The following VAX1 variants were observed in gnomAD, a reference collection of about 807,000 sequenced individuals.
VAX1 encodes the protein ventral anterior homeobox 1.
A neutral mutation model predicts 17.6 loss-of-function variants in VAX1; 6 were observed. That is an observed-to-expected ratio of 0.34 (90% CI 0.19 to 0.67). The LOEUF (loss-of-function observed/expected upper bound fraction) is 0.67. Ranked by LOEUF, VAX1 falls within the 30% of genes least tolerant of loss-of-function variation. VAX1 has a pLI of 0.69. For missense variants in VAX1, 408 were observed against 463.7 expected, an observed-to-expected ratio of 0.88 and a Z score of 1.10; for synonymous variants, 256 against 227.4, an observed-to-expected ratio of 1.13 and a Z score of -1.13.
chr10:117,134,701 A>G lies in VAX1; in HGVS notation c.430-118T>C. ...CTCCCCAAGTCCCAGCCCTATCCGC[A>G]GCCCCACCCAGCAGCCGGAGGGGTC... On this transcript the variant is annotated intron_variant, in intron 2 of 2. Transcript: ENST00000369206. This position sits in a 1 kb window ranked among gnomAD's most constrained non-coding sequence, Gnocchi z 6.2. 1 of 1,053,272 alleles carries G rather than the reference A, an allele frequency of 9.5e-7. No individual in the cohort carries two copies. The highest frequency in any genetic ancestry group is 3.3e-5 in the East Asian group (1 of 30,432). 65.2% of individuals were successfully genotyped at this position (1,053,272 alleles called of 1,614,324 possible).
rs533176866 is a variant in VAX1, at chr10:117,133,373, C to T, written c.*635G>A. On this transcript the variant is annotated 3_prime_UTR_variant, in exon 3 of 3. Coordinates refer to ENST00000369206, the MANE Select transcript of VAX1 (RefSeq NM_001112704.2). ...CCTACTACGACGTTTGTTACTGTTT[C>T]CTGGGGTCGGGGGTGGTTGTGATTG... The T allele has an allele frequency of 8.4e-5, 83 of 985,554 alleles. No homozygotes were observed. The South Asian group carries it at 3.4e-3, about 41-fold the overall frequency. 61.1% of individuals were successfully genotyped at this position (985,554 alleles called of 1,614,324 possible). A position where few individuals can be genotyped will look rare whatever the true frequency, so the allele number is the denominator to read the frequency against.
rs749442766 is a variant in VAX1 at position 117,136,590 on chromosome 10, C to G, written c.311G>C (p.Arg104Pro). 6.2e-7 allele frequency: 1 copy of G among 1,613,764 alleles called. No homozygotes were observed. Residue 104 changes from arginine to proline, a missense_variant, in exon 2 of 3, where the codon CGC (arginine) becomes CCC (proline). By Grantham distance (103) the Arg-to-Pro change is moderately radical. Coordinates refer to ENST00000369206, the MANE Select transcript of VAX1 (RefSeq NM_001112704.2). This position sits in a 1 kb window ranked among gnomAD's most constrained non-coding sequence, Gnocchi z 5.0. ...GAGCTGCTCCGCGGTGAAGGACGTGCGCGTCCTCTTAGGCCGGTCCAAGTC... is the reference window on the plus strand; with the variant it reads ...GAGCTGCTCCGCGGTGAAGGACGTGGGCGTCCTCTTAGGCCGGTCCAAGTC... Reference protein sequence around the residue: ...GLDLDRPKRTRTSFTAEQLYR... With the variant: ...GLDLDRPKRTPTSFTAEQLYR...
rs534482978 is a variant in VAX1 at position 117,134,335 on chromosome 10, G to A, written c.678C>T (p.Ala226=). ...ALGAGAAAGS[A]AAAAAAAPGP... ...CCGGGGCGGCGGCGGCGGCTGCGGC[G>A]GCCGAGCCTGCAGCGGCGCCCGCGC... Residue 226 remains alanine (A), a synonymous_variant, in exon 3 of 3, where the codon GCC becomes GCT. Coordinates refer to ENST00000369206, the MANE Select transcript of VAX1 (RefSeq NM_001112704.2). This position sits in a 1 kb window ranked among gnomAD's most constrained non-coding sequence, Gnocchi z 6.2. The A allele has an allele frequency of 1.9e-3, 1,974 of 1,052,500 alleles. 3 individuals carry two copies. Among genetic ancestry groups the A allele is most frequent in the South Asian group, 2.9e-3 (66 of 22,772 alleles). The allele number at this position is 1,052,500 out of a possible 1,614,324, so 65.2% of individuals were successfully genotyped here.
chr10:117,133,886 C>A lies in VAX1; in HGVS notation c.*122G>T. The A allele has an allele frequency of 7.2e-7, 1 of 1,390,206 alleles. No individual in the cohort carries two copies. The highest frequency in any genetic ancestry group is 9.3e-7 in the Non-Finnish European group (1 of 1,078,046). 86.1% of individuals were successfully genotyped at this position (1,390,206 alleles called of 1,614,324 possible). A position where few individuals can be genotyped will look rare whatever the true frequency, so the allele number is the denominator to read the frequency against. On this transcript the variant is annotated 3_prime_UTR_variant, in exon 3 of 3. Transcript: ENST00000369206. ...AGCAGAGTCTAGTGGGAAAGGAGAG[C>A]TGTCAGAGGCCTGGTGGGAGCCAGG...
At chr10:117,135,101 A>G (rs765437130) in intron 2 of VAX1, among the ~76,000 whole-genome samples, 11 of 152,182 alleles carry the variant, frequency 7.2e-5, no homozygotes, top group Admixed American at 5.9e-4. Context: ...CCCTGGCCCA[A>G]TGCGCTCGGA....
Position 117,137,829 on chromosome 10 carries a change from C to T in VAX1, c.228G>A (p.Arg76=), listed in dbSNP as rs1854209882. Reference sequence around the variant, plus strand: ...GCCCATCCCTACCTCGGACCAGGATCCGGCGGCAGTAATCCGGGTCCGCTG... The same window carrying T: ...GCCCATCCCTACCTCGGACCAGGATTCGGCGGCAGTAATCCGGGTCCGCTG... ...NSAADPDYCR[R]ILVRDAKGSI... is the part of the protein sequence containing the mutation. Residue 76 remains arginine, a synonymous_variant, in exon 1 of 3, where the codon CGG becomes CGA. Coordinates refer to ENST00000369206, the MANE Select transcript of VAX1 (RefSeq NM_001112704.2). The surrounding 1 kb of genome is among the most constrained non-coding windows in gnomAD (Gnocchi z 7.4). 2 of 1,612,604 alleles carry T rather than the reference C, an allele frequency of 1.2e-6. No individual in the cohort carries two copies. Among genetic ancestry groups the T allele is most frequent in the Middle Eastern group, 1.9e-4 (1 of 5,284 alleles).
chr10:117,132,545 C>G, downstream of VAX1: 1 of 1,544,792 alleles, frequency 6.5e-7, no homozygotes, highest in African/African-American at 1.4e-5. This position sits in a 1 kb window ranked among gnomAD's most constrained non-coding sequence, Gnocchi z 4.9. Context: ...AATAAAATTA[C>G]TATTTTAAAA....
Position 117,134,207 on chromosome 10 carries a change from C to T in VAX1, c.806G>A (p.Gly269Asp). 1 of 1,476,592 alleles carries T rather than the reference C, an allele frequency of 6.8e-7. No homozygotes were observed. Among genetic ancestry groups the T allele is most frequent in the Non-Finnish European group, 8.9e-7 (1 of 1,118,896 alleles). The allele number at this position is 1,476,592 out of a possible 1,614,324, so 91.5% of individuals were successfully genotyped here. Reference protein sequence around the residue: ...GGLHAGAPAAGHSLFSLPVPS... With the variant: ...GGLHAGAPAADHSLFSLPVPS... ...CACCGGCAGGCTGAAGAGGCTGTGG[C>T]CCGCGGCCGGGGCGCCTGCGTGCAA... Residue 269 changes from glycine to aspartate, a missense_variant, in exon 3 of 3, where the codon GGC becomes GAC. Gly to Asp is a moderately conservative substitution (Grantham distance 94). Coordinates refer to ENST00000369206, the MANE Select transcript of VAX1 (RefSeq NM_001112704.2). The surrounding 1 kb of genome is among the most constrained non-coding windows in gnomAD (Gnocchi z 6.2).
In VAX1 at chr10:117,136,363, C is replaced by A; in HGVS notation, c.429+109G>T. On this transcript the variant is annotated intron_variant, in intron 2 of 2. Coordinates refer to ENST00000369206, the MANE Select transcript of VAX1 (RefSeq NM_001112704.2). The surrounding 1 kb of genome is among the most constrained non-coding windows in gnomAD (Gnocchi z 5.0). The stretch of plus-strand genomic sequence containing the variant: ...CCCATCCTTCCCATCTCCTCCACCT[C>A]CCAAGGGTAGTTCTGTCCAGAGCAG... 1 of 1,382,774 alleles carries A rather than the reference C, an allele frequency of 7.2e-7. No homozygotes were observed. Among genetic ancestry groups the A allele is most frequent in the East Asian group, 2.4e-5 (1 of 41,090 alleles). The allele number at this position is 1,382,774 out of a possible 1,614,324, so 85.7% of individuals were successfully genotyped here. A position where few individuals can be genotyped will look rare whatever the true frequency, so the allele number is the denominator to read the frequency against.
rs535939071 is a variant in VAX1 at position 117,133,569 on chromosome 10, G to A, written c.*439C>T. 10 of 986,114 alleles carry A rather than the reference G, an allele frequency of 1.0e-5. 1 individual carries two copies. In the East Asian group the frequency reaches 7.9e-4, roughly 78 times the overall value. The allele number at this position is 986,114 out of a possible 1,614,324, so 61.1% of individuals were successfully genotyped here. ...TTTTTTGGTCTAAAGAAACCTGGAA[G>A]CCCCTGGGGTCTGCGCGCAGTTTTC... On this transcript the variant is annotated 3_prime_UTR_variant, in exon 3 of 3. Coordinates refer to ENST00000369206, the MANE Select transcript of VAX1 (RefSeq NM_001112704.2).
Position 117,137,172 on chromosome 10 carries a change from G to T in VAX1, c.242-513C>A, listed in dbSNP as rs1854194151. Among the ~76,000 whole-genome samples the T allele has an allele frequency of 6.6e-6, 1 of 152,004 alleles. No homozygotes were observed. The highest frequency in any genetic ancestry group is 2.4e-5 in the African/African-American group (1 of 41,434). On this transcript the variant is annotated intron_variant, in intron 1 of 2. Coordinates refer to ENST00000369206, the MANE Select transcript of VAX1 (RefSeq NM_001112704.2). This position sits in a 1 kb window ranked among gnomAD's most constrained non-coding sequence, Gnocchi z 7.4. ...GCCCGGAGATCTGCTGCTGGCTGGG[G>T]CGGCGCCGGGCCGGGGCCCGGCCTC...
rs916004055 is a variant in VAX1 at position 117,136,982 on chromosome 10, C to T, written c.242-323G>A. Among the ~76,000 whole-genome samples the T allele has an allele frequency of 6.6e-6, 1 of 152,062 alleles. No individual in the cohort carries two copies. Among genetic ancestry groups the T allele is most frequent in the African/African-American group, 2.4e-5 (1 of 41,414 alleles). ...GCCTCGGCTGAGCCTTCCGGGTCCCCTGTAGCCTGAGGGTACCCTTGTCGC... is the reference window on the plus strand; with the variant it reads ...GCCTCGGCTGAGCCTTCCGGGTCCCTTGTAGCCTGAGGGTACCCTTGTCGC... On this transcript the variant is annotated intron_variant, in intron 1 of 2. Coordinates refer to ENST00000369206, the MANE Select transcript of VAX1 (RefSeq NM_001112704.2). This position sits in a 1 kb window ranked among gnomAD's most constrained non-coding sequence, Gnocchi z 5.0.
In VAX1 at chr10:117,138,220, C is replaced by G. The variant is rs1321624362; in HGVS notation, c.-164G>C. 1.3e-5 allele frequency: 11 copies of G among 878,906 alleles called. No individual in the cohort carries two copies. Among genetic ancestry groups the G allele is most frequent in the Non-Finnish European group, 1.9e-5 (11 of 583,924 alleles). The allele number at this position is 878,906 out of a possible 1,614,324, so 54.4% of individuals were successfully genotyped here. On this transcript the variant is annotated 5_prime_UTR_variant, in exon 1 of 3. Coordinates refer to ENST00000369206, the MANE Select transcript of VAX1 (RefSeq NM_001112704.2). ...CAGGCAAGGGGCAAGAATGAATGTC[C>G]CCGCGGGGAGGCTTCGGCGGCCGCG...
Position 117,136,853 on chromosome 10 carries a change from G to T in VAX1, c.242-194C>A, listed in dbSNP as rs1010644245. Among the ~76,000 whole-genome samples the T allele has an allele frequency of 1.3e-5, 2 of 152,196 alleles. No homozygotes were observed. Among genetic ancestry groups the T allele is most frequent in the Admixed American group, 1.3e-4 (2 of 15,284 alleles). On this transcript the variant is annotated intron_variant, in intron 1 of 2. Coordinates refer to ENST00000369206, the MANE Select transcript of VAX1 (RefSeq NM_001112704.2). This position sits in a 1 kb window ranked among gnomAD's most constrained non-coding sequence, Gnocchi z 5.0. ...GGGGCCTAACTCCATACCGCTGACC[G>T]AAGGAGGGACCACACTTTGTCTTTT... is the stretch of plus-strand genomic sequence containing the variant.
Position 117,136,015 on chromosome 10 carries a change from G to A in VAX1, c.429+457C>T, listed in dbSNP as rs1407189426. Among the ~76,000 whole-genome samples the A allele has an allele frequency of 6.6e-6, 1 of 152,260 alleles. No homozygotes were observed. Among genetic ancestry groups the A allele is most frequent in the Non-Finnish European group, 1.5e-5 (1 of 68,042 alleles). ...GGAATCACCCATGGTGCTGGGGCAG[G>A]GGGTGTTAGATCTAGCCTCACTCCT... On this transcript the variant is annotated intron_variant, in intron 2 of 2. Transcript: ENST00000369206. The surrounding 1 kb of genome is among the most constrained non-coding windows in gnomAD (Gnocchi z 5.0).
Position 117,137,867 on chromosome 10 carries a change from T to C in VAX1, c.190A>G (p.Lys64Glu). Residue 64 changes from lysine to glutamate, a missense_variant, in exon 1 of 3, where the codon AAA becomes GAA. Around this residue, in one of 4 missense-constraint regions of VAX1, gnomAD observed 133 missense variants for 112.0 expected, o/e 1.19. Transcript: ENST00000369206. This position sits in a 1 kb window ranked among gnomAD's most constrained non-coding sequence, Gnocchi z 7.4. ...TCCGGGTCCGCTGCGGAATTGGATT[T>C]ACTTTTGTTACAATCCTCAGCAGCG... ...SGAAEDCNKS[K>E]SNSAADPDYC... The C allele has an allele frequency of 6.2e-7, 1 of 1,613,686 alleles. No homozygotes were observed. The highest frequency in any genetic ancestry group is 1.1e-5 in the South Asian group (1 of 91,080).
At chr10:117,130,070 A>G (rs1363760984), downstream of VAX1, 2 of 151,874 alleles carry the variant, frequency 1.3e-5, no homozygotes, top group Non-Finnish European at 2.9e-5. Flanking sequence ...AGAGGGGTCA[A>G]AGGGGGACGA....
downstream of VAX1, chr10:117,132,497 GAA>G: frequency 6.3e-7 from 1 of 1,583,092 alleles, no homozygotes; most frequent in Non-Finnish European, 8.6e-7. The surrounding 1 kb of genome is among the most constrained non-coding windows in gnomAD (Gnocchi z 4.9). Flanking sequence ...AAAAAAAGAT[GAA>G]AAAGAGGGGG....
At position 117,133,956 on chromosome 10, in the gene VAX1, A is replaced by G; in HGVS notation, c.*52T>C. The G allele has an allele frequency of 6.8e-7, 1 of 1,462,332 alleles. No homozygotes were observed. Among genetic ancestry groups the G allele is most frequent in the Non-Finnish European group, 9.0e-7 (1 of 1,115,116 alleles). The allele number at this position is 1,462,332 out of a possible 1,614,324, so 90.6% of individuals were successfully genotyped here. ...GGGCACCTAATGCGCGTGAGTCCAT[A>G]AATATCACCACAATAGATACTATAA... On this transcript the variant is annotated 3_prime_UTR_variant, in exon 3 of 3. Coordinates refer to ENST00000369206, the MANE Select transcript of VAX1 (RefSeq NM_001112704.2).
Sources: gnomAD v4.1 joint callset for allele counts (sites outside exome capture counted in the v4.1 genomes callset) on GRCh38, gnomAD v4.1.1 for gene constraint, gnomAD v4.1.1 regional missense constraint, Gnocchi (gnomAD v3.1) non-coding constraint, MANE v1.5 for transcripts, NCBI Gene and HGNC (gene_info 2026-07-23, HGNC 2026-07-21) for gene names.